CFAP69: variants seen among roughly 807,000 people sequenced by gnomAD.
CFAP69 encodes cilia- and flagella-associated protein 69.
A neutral mutation model predicts 123.0 loss-of-function variants in CFAP69; 92 were observed. That is an observed-to-expected ratio of 0.75 (90% CI 0.63 to 0.89). The LOEUF is 0.89. CFAP69 is among the 40% of genes least tolerant of loss of function. The pLI is 0.00. For missense variants in CFAP69, 1,067 were observed against 1,096.9 expected, an observed-to-expected ratio of 0.97 and a Z score of 0.39; for synonymous variants, 380 against 364.3, an observed-to-expected ratio of 1.04 and a Z score of -0.49.
At chr7:90,273,916 A>T (rs28945134) in intron 8 of CFAP69, 71 bp from the exon 9 acceptor site, 13,534 of 1,190,536 alleles carry the variant, frequency 0.011, 620 homozygotes, top group East Asian at 0.1. Context: ...ATTTAAATAT[A>T]TGAATTTTGG....
chr7:90,251,435 A>G (rs1796992262), intron 1 of CFAP69, among the ~76,000 whole-genome samples: 1 of 152,200 alleles, frequency 6.6e-6, no homozygotes, highest in Non-Finnish European at 1.5e-5. Context: ...GAAAGCTGGC[A>G]GTCATTGGCC....
chr7:90,286,493 G>T, intron 14 of CFAP69, 94 bp downstream of exon 14: 1 of 1,306,122 alleles, frequency 7.7e-7, no homozygotes, highest in East Asian at 2.5e-5. Flanking sequence ...TTAATTTTGT[G>T]AAAATTTAAT....
intron 4 of CFAP69, among the ~76,000 whole-genome samples, chr7:90,263,640 C>A (rs1798636997): frequency 6.6e-6 from 1 of 152,070 alleles, no homozygotes; most frequent in African/African-American, 2.4e-5. Context: ...CTGACAAACA[C>A]TAGAAATGAA....
intron 1 of CFAP69, 152 bp downstream of exon 1, chr7:90,245,696 C>A: frequency 9.5e-7 from 1 of 1,050,356 alleles, no homozygotes; most frequent in Non-Finnish European, 1.3e-6. Context: ...CAGAGCTAAT[C>A]CTGATCCCCC....
intron 18 of CFAP69, 172 bp from the exon 19 acceptor site, chr7:90,304,572 C>G: frequency 7.2e-7 from 1 of 1,384,700 alleles, no homozygotes; most frequent in Non-Finnish European, 9.3e-7. Context: ...TACTCACAAG[C>G]TACTCACAGA....
Position 90,304,094 on chromosome 7 carries a change from T to C in CFAP69, c.2176T>C (p.Leu726=). ...TATTAGAGCAAAAATTTATGCTATATTGGGCAAACTAGGTAAGAAGTTCTC... is the reference window on the plus strand; with the variant it reads ...TATTAGAGCAAAAATTTATGCTATACTGGGCAAACTAGGTAAGAAGTTCTC... ...ENIRAKIYAI[L]GKLDFENLPG... Residue 726 remains leucine (L), a synonymous_variant, in exon 18 of 23, where the codon TTG becomes CTG. Coordinates refer to ENST00000389297, the MANE Select transcript of CFAP69 (RefSeq NM_001039706.3). The C allele has an allele frequency of 6.5e-7, 1 of 1,549,558 alleles. No individual in the cohort carries two copies. Among genetic ancestry groups the C allele is most frequent in the African/African-American group, 1.4e-5 (1 of 73,114 alleles).
Position 90,283,552 on chromosome 7 carries a change from T to A in CFAP69, c.1537+496T>A, listed in dbSNP as rs183311684. Among the ~76,000 whole-genome samples, 211 of 152,272 alleles carry A rather than the reference T, an allele frequency of 1.4e-3. 4 individuals are homozygous for A. The highest frequency in any genetic ancestry group is 0.014 in the Admixed American group (208 of 15,290). On this transcript the variant is annotated intron_variant, in intron 13 of 22. Transcript: ENST00000389297. ...GCTAGAAAAGAAAATGGAAATTATGTGTATCATAGAAATACTGCATGTGTT... is the reference window on the plus strand; with the variant it reads ...GCTAGAAAAGAAAATGGAAATTATGAGTATCATAGAAATACTGCATGTGTT...
chr7:90,250,232 GA>G, intron 1 of CFAP69, among the ~76,000 whole-genome samples: 1 of 142,760 alleles, frequency 7.0e-6, no homozygotes, highest in African/African-American at 2.7e-5. Flanking sequence ...GAGAGAGAGA[GA>G]GACTCCTTGG....
Position 90,283,065 on chromosome 7 carries a change from T to C in CFAP69, c.1537+9T>C, listed in dbSNP as rs576788540. The C allele has an allele frequency of 5.3e-6, 8 of 1,519,548 alleles. No individual in the cohort carries two copies. In the Admixed American group the frequency reaches 6.3e-5, roughly 12 times the overall value. The allele number at this position is 1,519,548 out of a possible 1,614,324, so 94.1% of individuals were successfully genotyped here. On this transcript the variant is annotated intron_variant, in intron 13 of 22. Transcript: ENST00000389297. ...AATTCAGCAAATGATAGGTAAAATA[T>C]AACATGGTGGTTTACTGATGAAAGA... is the stretch of plus-strand genomic sequence containing the variant.
downstream of CFAP69, among the ~76,000 whole-genome samples, chr7:90,311,895 A>G (rs905408698): frequency 1.3e-5 from 2 of 152,170 alleles, no homozygotes; most frequent in African/African-American, 2.4e-5. Context: ...AGATATTAGA[A>G]GGCATAATTT....
rs915384674 is a variant in CFAP69, at chr7:90,310,081, G to A, written c.2669G>A (p.Gly890Glu). ...TTGCCTTTTTAGGTGCCCTCTGGTG[G>A]AGTAGTAACAGTGGAAAGCACTCCT... is the stretch of plus-strand genomic sequence containing the variant. ...KGLNTTVPSG[G>E]VVTVESTPAR... The change falls in exon 23 of 23, where the codon GGA becomes GAA. Residue 890 changes from glycine (G) to glutamate (E), a missense_variant. Coordinates refer to ENST00000389297, the MANE Select transcript of CFAP69 (RefSeq NM_001039706.3). 3.1e-6 allele frequency: 5 copies of A among 1,608,966 alleles called. No homozygotes were observed. The highest frequency in any genetic ancestry group is 4.2e-6 in the Non-Finnish European group (5 of 1,177,056).
chr7:90,310,042 T>C (rs895130876), intron 22 of CFAP69, 26 bp from the exon 23 acceptor site: 1 of 1,578,832 alleles, frequency 6.3e-7, no homozygotes, highest in Non-Finnish European at 8.6e-7. Flanking sequence ...AATGGACTTT[T>C]AGATATTTAC....
the CFAP69 span, among the ~76,000 whole-genome samples, chr7:90,320,087 C>T: frequency 6.6e-6 from 1 of 152,170 alleles, no homozygotes; most frequent in Non-Finnish European, 1.5e-5. Context: ...ATTAGTGATA[C>T]GGTTCCGCAA....
At chr7:90,314,697 T>C (rs1164573269), downstream of CFAP69, among the ~76,000 whole-genome samples, 6 of 147,820 alleles carry the variant, frequency 4.1e-5, no homozygotes, top group Non-Finnish European at 7.5e-5. Context: ...TTTAAAACTT[T>C]TTTTTTTTTT....
chr7:90,287,852 C>T, intron 14 of CFAP69: 1 of 641,020 alleles, frequency 1.6e-6, no homozygotes, highest in Non-Finnish European at 1.9e-6. Flanking sequence ...ATTAGAAAAT[C>T]TTGCATGATA....
rs199733306 is a variant in CFAP69, at chr7:90,300,655, C to CTT, written c.2050+605_2050+606dup. On this transcript the variant is annotated intron_variant, in intron 17 of 22. Transcript: ENST00000389297. Reference sequence around the variant, plus strand: ...TATTACATTTTTTTCTTTTTTTTTTCTTTTTTTTTTGTGAGACAGGGTTTC... The same window carrying CTT: ...TATTACATTTTTTTCTTTTTTTTTTCTTTTTTTTTTTTGTGAGACAGGGTTTC... 39 of 123,138 alleles carry CTT rather than the reference C, an allele frequency of 3.2e-4. No homozygotes were observed. In the East Asian group the frequency reaches 7.1e-3, roughly 23 times the overall value. 7.6% of individuals were successfully genotyped at this position (123,138 alleles called of 1,614,324 possible).
intron 5 of CFAP69, 105 bp from the exon 6 acceptor site, chr7:90,268,179 CTG>C (rs764950014): frequency 6.0e-6 from 4 of 670,074 alleles, no homozygotes; most frequent in Non-Finnish European, 9.9e-6. Context: ...GTTTGAATCT[CTG>C]AGAATATTTT....
chr7:90,257,157 T>C (rs1054692382), intron 2 of CFAP69, among the ~76,000 whole-genome samples: 1 of 152,162 alleles, frequency 6.6e-6, no homozygotes, highest in Non-Finnish European at 1.5e-5. Flanking sequence ...TGAAGTGATA[T>C]GTATATATGG....
chr7:90,281,416 G>C (rs1037219568), intron 12 of CFAP69, among the ~76,000 whole-genome samples: 1 of 151,982 alleles, frequency 6.6e-6, no homozygotes, highest in African/African-American at 2.4e-5. Context: ...CTACGATAAA[G>C]CTATAGTAAT....
Sources: allele counts gnomAD v4.1 joint callset (sites outside exome capture counted in the v4.1 genomes callset), GRCh38; gene constraint gnomAD v4.1.1; transcripts MANE v1.5; gene names NCBI Gene and HGNC (gene_info 2026-07-23, HGNC 2026-07-21).